NAALADL2: variants seen among roughly 807,000 people sequenced by gnomAD.
The protein encoded by NAALADL2 is inactive N-acetylated-alpha-linked acidic dipeptidase-like protein 2.
In NAALADL2, 76 loss-of-function variants were observed where a neutral mutation model predicts 87.2. That is an observed-to-expected ratio of 0.87 (90% CI 0.72 to 1.05). The LOEUF (loss-of-function observed/expected upper bound fraction) is 1.05, where lower values mean the gene tolerates loss of function less well. Among genes scored for constraint, NAALADL2 ranks in the 50% least tolerant of loss-of-function variants. The probability of loss-of-function intolerance (pLI) is 0.00; values close to 1 mark genes in which losing one functional copy is unlikely to be tolerated. For missense variants in NAALADL2, 1,089 were observed against 945.8 expected, an observed-to-expected ratio of 1.15 and a Z score of -1.99; for synonymous variants, 354 against 331.0, an observed-to-expected ratio of 1.07 and a Z score of -0.75.
At chr3:175,022,586 G>C (rs141491303) in intron 1 of NAALADL2, among the ~76,000 whole-genome samples, 2,492 of 152,148 alleles carry the variant, frequency 0.016, 34 homozygotes, top group South Asian at 0.038. Flanking sequence ...GCCATGGCTG[G>C]TTAAACCCAG....
intron 3 of NAALADL2, among the ~76,000 whole-genome samples, chr3:174,835,562 G>T (rs1323067817): frequency 6.6e-6 from 1 of 152,012 alleles, no homozygotes; most frequent in East Asian, 1.9e-4. Flanking sequence ...GGGTGAAAAG[G>T]CTACCTACAG....
At chr3:174,664,715 G>T (rs1462193544) in intron 2 of NAALADL2, among the ~76,000 whole-genome samples, 2 of 152,150 alleles carry the variant, frequency 1.3e-5, no homozygotes, top group African/African-American at 4.8e-5. Context: ...GATAATTCTG[G>T]TGGGTGCTCT....
chr3:174,804,505 T>C (rs1719227703), intron 3 of NAALADL2, among the ~76,000 whole-genome samples: 1 of 152,142 alleles, frequency 6.6e-6, no homozygotes, highest in Non-Finnish European at 1.5e-5. Flanking sequence ...AACGCTATGT[T>C]GAATAGGAGT....
At chr3:175,719,381 A>AT (rs1355748514) in intron 11 of NAALADL2, among the ~76,000 whole-genome samples, 5 of 145,430 alleles carry the variant, frequency 3.4e-5, no homozygotes, top group Non-Finnish European at 7.7e-5. Flanking sequence ...TTAAAGTATA[A>AT]TAAAAAAAAA....
chr3:175,611,931 C>A (rs1237057478), intron 10 of NAALADL2, among the ~76,000 whole-genome samples: 1 of 151,954 alleles, frequency 6.6e-6, no homozygotes, highest in Non-Finnish European at 1.5e-5. Flanking sequence ...TAATTTAGTG[C>A]CTTTATTGAT....
intron 11 of NAALADL2, among the ~76,000 whole-genome samples, chr3:175,648,596 A>G (rs1028900272): frequency 6.7e-6 from 1 of 149,424 alleles, no homozygotes; most frequent in South Asian, 2.1e-4. Context: ...TTAGACTTTT[A>G]TACTTGGCTA....
At chr3:174,894,509 G>T (rs899864353) in intron 1 of NAALADL2, among the ~76,000 whole-genome samples, 1 of 148,926 alleles carries the variant, frequency 6.7e-6, no homozygotes, top group South Asian at 2.1e-4. Context: ...CACGAGGATC[G>T]CTTGGACCTG....
Position 175,758,181 on chromosome 3 carries a change from T to G in NAALADL2, c.2189+2763T>G, listed in dbSNP as rs886532581. Among the ~76,000 whole-genome samples the G allele has an allele frequency of 2.6e-5, 4 of 152,060 alleles. No individual in the cohort carries two copies. In the East Asian group the frequency reaches 7.7e-4, roughly 29 times the overall value. On this transcript the variant is annotated intron_variant, in intron 13 of 13. Transcript: ENST00000454872. Reference sequence around the variant, plus strand: ...ATGATTAAACACATCATTTTATTCATGCTAGTAATGTAATTACAGTATACC... The same window carrying G: ...ATGATTAAACACATCATTTTATTCAGGCTAGTAATGTAATTACAGTATACC...
At chr3:175,333,966 G>T (rs943965758) in intron 5 of NAALADL2, among the ~76,000 whole-genome samples, 1 of 152,080 alleles carries the variant, frequency 6.6e-6, no homozygotes, top group Non-Finnish European at 1.5e-5. Context: ...TAAATATCAT[G>T]TATCATTAAG....
intron 2 of NAALADL2, among the ~76,000 whole-genome samples, chr3:174,562,331 A>T (rs1456274256): frequency 1.3e-5 from 2 of 152,162 alleles, no homozygotes; most frequent in East Asian, 3.9e-4. Context: ...TTGTAATTTA[A>T]AATACCAGTA....
At chr3:175,249,986 A>G (rs1226765135) in intron 3 of NAALADL2, among the ~76,000 whole-genome samples, 1 of 152,014 alleles carries the variant, frequency 6.6e-6, no homozygotes, top group Non-Finnish European at 1.5e-5. Flanking sequence ...CCTAACCAAC[A>G]TGGAGAAACT....
intron 1 of NAALADL2, among the ~76,000 whole-genome samples, chr3:174,472,962 A>G (rs1716995564): frequency 6.6e-6 from 1 of 152,182 alleles, no homozygotes. Context: ...ATATTATCCT[A>G]TAATTTTCTA....
intron 3 of NAALADL2, among the ~76,000 whole-genome samples, chr3:174,779,063 C>T (rs931308093): frequency 1.3e-5 from 2 of 152,148 alleles, no homozygotes. Flanking sequence ...CACTGTCTTC[C>T]ACAATGGTTG....
chr3:174,974,166 C>T (rs373864340), intron 1 of NAALADL2, among the ~76,000 whole-genome samples: 1 of 152,238 alleles, frequency 6.6e-6, no homozygotes, highest in East Asian at 1.9e-4. Flanking sequence ...ATTTTCATTA[C>T]TGGTATTTTG....
At chr3:174,975,221 C>G (rs952827479) in intron 1 of NAALADL2, among the ~76,000 whole-genome samples, 1 of 152,154 alleles carries the variant, frequency 6.6e-6, no homozygotes, top group Non-Finnish European at 1.5e-5. Flanking sequence ...GACTTGACAT[C>G]TTTCTGCTTC....
chr3:175,048,533 A>G (rs1007344484), intron 1 of NAALADL2, among the ~76,000 whole-genome samples: 3 of 150,208 alleles, frequency 2.0e-5, no homozygotes, highest in Non-Finnish European at 4.4e-5. Context: ...TTTGTGGTGA[A>G]GTCAAAGTAA....
intron 11 of NAALADL2, among the ~76,000 whole-genome samples, chr3:175,641,040 T>C (rs1239818512): frequency 2.6e-5 from 4 of 152,216 alleles, no homozygotes; most frequent in Admixed American, 1.3e-4. Flanking sequence ...CATTTATCCG[T>C]TGGCTTCTGT....
At chr3:174,796,940 G>C (rs1343773687) in intron 3 of NAALADL2, among the ~76,000 whole-genome samples, 13 of 151,934 alleles carry the variant, frequency 8.6e-5, no homozygotes, top group Admixed American at 8.5e-4. Flanking sequence ...TTGTTTTGCT[G>C]TGCAGATCTT....
intron 2 of NAALADL2, among the ~76,000 whole-genome samples, chr3:174,612,368 A>T (rs1270104659): frequency 6.6e-6 from 1 of 152,138 alleles, no homozygotes; most frequent in East Asian, 1.9e-4. Flanking sequence ...ATCCCTTTGA[A>T]TAAACGTTCT....
Sources: gnomAD v4.1 joint callset for allele counts (sites outside exome capture counted in the v4.1 genomes callset) on GRCh38, gnomAD v4.1.1 for gene constraint, MANE v1.5 for transcripts, NCBI Gene and HGNC (gene_info 2026-07-23, HGNC 2026-07-21) for gene names.